The following ADGRB3 variants were observed in gnomAD, a reference collection of about 807,000 sequenced individuals.
ADGRB3 encodes the protein brain-specific angiogenesis inhibitor 3.
In ADGRB3, 37 loss-of-function variants were observed where a neutral mutation model predicts 193.4. The observed-to-expected ratio is 0.19, with a 90% confidence interval of 0.15 to 0.25. ADGRB3 has a LOEUF of 0.25. Among genes scored for constraint, ADGRB3 ranks in the 10% least tolerant of loss-of-function variants. The probability of loss-of-function intolerance (pLI) is 1.00; values close to 1 mark genes in which losing one functional copy is unlikely to be tolerated. For missense variants in ADGRB3, 1,637 were observed against 1,852.9 expected (o/e 0.88, Z 2.14); for synonymous variants, 690 against 644.2 (o/e 1.07, Z -1.08).
chr6:69,262,989 A>G (rs1026070448), intron 20 of ADGRB3, among the ~76,000 whole-genome samples: 8 of 151,988 alleles, frequency 5.3e-5, no homozygotes, highest in African/African-American at 1.4e-4. Flanking sequence ...CGCAAAAAGG[A>G]ACCATTTTAA....
At chr6:69,179,380 C>T (rs966742171) in intron 17 of ADGRB3, among the ~76,000 whole-genome samples, 4 of 152,092 alleles carry the variant, frequency 2.6e-5, no homozygotes, top group South Asian at 2.1e-4. Flanking sequence ...TTCTCCATTT[C>T]GTAGATTGCT....
intron 3 of ADGRB3, among the ~76,000 whole-genome samples, chr6:68,906,859 T>C (rs1466578911): frequency 2.6e-5 from 4 of 151,996 alleles, no homozygotes. Context: ...AGCAAAATCT[T>C]TTTATAATGT....
chr6:69,120,999 C>CTTT (rs36095516), intron 17 of ADGRB3, among the ~76,000 whole-genome samples: 1,648 of 123,484 alleles, frequency 0.013, 56 homozygotes, highest in East Asian at 0.093. Context: ...ATGCAGTTAT[C>CTTT]TTTTTTTTTT....
intron 17 of ADGRB3, among the ~76,000 whole-genome samples, chr6:69,094,503 T>C (rs1772812739): frequency 6.6e-6 from 1 of 152,220 alleles, no homozygotes; most frequent in South Asian, 2.1e-4. Context: ...ATTTAGCATT[T>C]AGATATCTGT....
chr6:69,007,014 C>T (rs1329760057), intron 11 of ADGRB3, among the ~76,000 whole-genome samples: 2 of 152,118 alleles, frequency 1.3e-5, no homozygotes, highest in African/African-American at 4.8e-5. Flanking sequence ...AACCTGCCCA[C>T]TGGGTCTCTT....
chr6:68,694,519 T>C (rs1451306007), intron 3 of ADGRB3, among the ~76,000 whole-genome samples: 1 of 151,886 alleles, frequency 6.6e-6, no homozygotes, highest in Admixed American at 6.6e-5. Context: ...ATTCACCTTG[T>C]TTTTTTAGTC....
chr6:68,713,221 CT>C (rs1765434264), intron 3 of ADGRB3, among the ~76,000 whole-genome samples: 1 of 151,896 alleles, frequency 6.6e-6, no homozygotes, highest in South Asian at 2.1e-4. Context: ...GGATTAGGCA[CT>C]TTTCCATGAT....
At chr6:68,846,594 A>G (rs1249326418) in intron 3 of ADGRB3, among the ~76,000 whole-genome samples, 2 of 152,224 alleles carry the variant, frequency 1.3e-5, no homozygotes, top group East Asian at 3.9e-4. Context: ...CTGTGGCTTC[A>G]GAGGGTGGAA....
At chr6:68,700,839 G>C (rs1171658641) in intron 3 of ADGRB3, among the ~76,000 whole-genome samples, 1 of 103,946 alleles carries the variant, frequency 9.6e-6, no homozygotes, top group Non-Finnish European at 1.8e-5. Flanking sequence ...GGGGAGGGGG[G>C]AGGGATAGCA....
Position 68,833,563 on chromosome 6 carries a change from G to A in ADGRB3, c.758-96996G>A, listed in dbSNP as rs1488877436. On this transcript the variant is annotated intron_variant, in intron 3 of 31. Coordinates refer to ENST00000370598, the MANE Select transcript of ADGRB3 (RefSeq NM_001704.3). ...TTTCCTTATTGTTTTAACTGGATAA[G>A]TATTCTTATATTAAAGAATGAAGTA... 1.3e-5 allele frequency among the ~76,000 whole-genome samples: 2 copies of A among 150,014 alleles called. 1 individual carries two copies. Among genetic ancestry groups the A allele is most frequent in the African/African-American group, 4.9e-5 (2 of 41,104 alleles).
intron 3 of ADGRB3, among the ~76,000 whole-genome samples, chr6:68,813,980 A>G (rs1767573200): frequency 6.6e-6 from 1 of 152,096 alleles, no homozygotes; most frequent in South Asian, 2.1e-4. Flanking sequence ...GGTTCATTCT[A>G]AGTCTTTGCT....
intron 3 of ADGRB3, among the ~76,000 whole-genome samples, chr6:68,747,564 T>A (rs2127345416): frequency 6.6e-6 from 1 of 152,360 alleles, no homozygotes; most frequent in South Asian, 2.1e-4. Context: ...ACTATTTCCA[T>A]ATACTTAGCA....
chr6:69,105,207 T>C (rs148519411), intron 17 of ADGRB3, among the ~76,000 whole-genome samples: 15 of 152,268 alleles, frequency 9.9e-5, no homozygotes, highest in African/African-American at 3.1e-4. Flanking sequence ...CCCTGGAAAT[T>C]CCATCTACCA....
At position 69,361,388 on chromosome 6, in the gene ADGRB3, A is replaced by C; in HGVS notation, c.4115A>C (p.His1372Pro). ...GAGCAACATCTCGCACCCCAGGAAC[A>C]TATGCAGAATTTGCCCTTTGAACCT... ...NLEQHLAPQE[H>P]MQNLPFEPRT... The change falls in exon 29 of 32, where the codon CAT (histidine) becomes CCT (proline). Residue 1372 changes from histidine to proline, a missense_variant. His to Pro is a moderately conservative substitution (Grantham distance 77). Around this residue, in one of 7 missense-constraint regions of ADGRB3, gnomAD observed 368 missense variants for 367.4 expected, o/e 1.00. Coordinates refer to ENST00000370598, the MANE Select transcript of ADGRB3 (RefSeq NM_001704.3). 6.2e-7 allele frequency: 1 copy of C among 1,613,076 alleles called. No individual in the cohort carries two copies. The highest frequency in any genetic ancestry group is 8.5e-7 in the Non-Finnish European group (1 of 1,179,276).
At chr6:68,990,497 C>T (rs1357760366) in intron 10 of ADGRB3, among the ~76,000 whole-genome samples, 1 of 152,070 alleles carries the variant, frequency 6.6e-6, no homozygotes, top group Non-Finnish European at 1.5e-5. Context: ...GCTGGACTGA[C>T]AACAACTCAT....
At chr6:69,287,144 CTG>C (rs899107193) in intron 20 of ADGRB3, among the ~76,000 whole-genome samples, 2 of 152,178 alleles carry the variant, frequency 1.3e-5, no homozygotes, top group African/African-American at 4.8e-5. Context: ...TTTCTTGAGT[CTG>C]TGCATGCATG....
At position 69,155,751 on chromosome 6, in the gene ADGRB3, T is replaced by A. The variant is rs376709705; in HGVS notation, c.2481-77539T>A. Among the ~76,000 whole-genome samples, 184 of 152,276 alleles carry A rather than the reference T, an allele frequency of 1.2e-3. 2 individuals are homozygous for A. In the South Asian group the frequency reaches 0.031, roughly 25 times the overall value. ...TATAGGCCAGCGTATTTCCAAAAAA[T>A]ACACAAAATCAACTGCTTCCTAGAA... On this transcript the variant is annotated intron_variant, in intron 17 of 31. Transcript: ENST00000370598.
intron 17 of ADGRB3, among the ~76,000 whole-genome samples, chr6:69,086,738 T>G (rs753782569): frequency 3.3e-5 from 5 of 152,090 alleles, no homozygotes; most frequent in Non-Finnish European, 7.4e-5. Flanking sequence ...GAAATAACAT[T>G]GGTTATTGAT....
intron 3 of ADGRB3, among the ~76,000 whole-genome samples, chr6:68,885,358 A>G (rs1301814981): frequency 6.6e-6 from 1 of 152,148 alleles, no homozygotes; most frequent in Non-Finnish European, 1.5e-5. Context: ...AATTTTAAAT[A>G]ATATTAATTG....
Sources: allele counts gnomAD v4.1 joint callset (sites outside exome capture counted in the v4.1 genomes callset), GRCh38; gene constraint gnomAD v4.1.1; regional missense constraint gnomAD v4.1.1; transcripts MANE v1.5; gene names NCBI Gene and HGNC (gene_info 2026-07-23, HGNC 2026-07-21).